Variants in SPAG16 observed in about 807,000 individuals in gnomAD.
SPAG16 encodes the protein sperm associated antigen 16.
In SPAG16, 86 loss-of-function variants were observed where a neutral mutation model predicts 80.4. The observed-to-expected ratio is 1.07, with a 90% CI of 0.90 to 1.28. SPAG16 has a LOEUF of 1.28. Among genes scored for constraint, SPAG16 ranks in the 50% most tolerant of loss-of-function variants. SPAG16 has a pLI of 0.00. For synonymous variants in SPAG16, 294 were observed against 265.9 expected, an observed-to-expected ratio of 1.11 and a Z score of -1.03; for missense variants, 870 against 765.3, an observed-to-expected ratio of 1.14 and a Z score of -1.61.
intron 10 of SPAG16, among the ~76,000 whole-genome samples, chr2:213,538,685 C>T (rs1365602213): frequency 6.6e-6 from 1 of 152,026 alleles, no homozygotes; most frequent in East Asian, 1.9e-4. Context: ...TGACTAATAG[C>T]TTTAACATTG....
intron 10 of SPAG16, among the ~76,000 whole-genome samples, chr2:213,673,826 G>A (rs2063919774): frequency 6.6e-6 from 1 of 151,806 alleles, no homozygotes. Flanking sequence ...AAGAACATTG[G>A]AAAAATAAAT....
intron 10 of SPAG16, among the ~76,000 whole-genome samples, chr2:213,857,001 G>T (rs2372261): frequency 0.34 from 52,249 of 151,946 alleles, 9,433 homozygotes; most frequent in South Asian, 0.47. Context: ...AGGCCAAGGA[G>T]GATGGGTCAC....
intron 15 of SPAG16, 27 bp downstream of exon 15, chr2:214,149,293 T>A: frequency 6.6e-7 from 1 of 1,506,832 alleles, no homozygotes; most frequent in South Asian, 1.3e-5. Context: ...CTAATGTTTC[T>A]GACTAAGCCA....
chr2:214,335,565 C>T (rs987165468), intron 15 of SPAG16, among the ~76,000 whole-genome samples: 8 of 151,524 alleles, frequency 5.3e-5, no homozygotes, highest in Admixed American at 4.6e-4. Flanking sequence ...GATGTGCTGA[C>T]GATGCTGATG....
At chr2:213,396,909 A>G (rs1374516160) in intron 9 of SPAG16, among the ~76,000 whole-genome samples, 2 of 151,862 alleles carry the variant, frequency 1.3e-5, no homozygotes, top group Admixed American at 6.6e-5. Context: ...TTTTGACCCA[A>G]TATTTCCCTC....
chr2:213,781,110 C>G (rs1386336326), intron 10 of SPAG16, among the ~76,000 whole-genome samples: 2 of 152,166 alleles, frequency 1.3e-5, no homozygotes, highest in African/African-American at 4.8e-5. Context: ...CTCAGCAAAA[C>G]TCCTTTAAGG....
intron 9 of SPAG16, among the ~76,000 whole-genome samples, chr2:213,409,895 A>G (rs1434559218): frequency 6.6e-6 from 1 of 152,210 alleles, no homozygotes; most frequent in African/African-American, 2.4e-5. Flanking sequence ...TACTTGGTTT[A>G]TCTTCCACTT....
intron 15 of SPAG16, among the ~76,000 whole-genome samples, chr2:214,160,906 C>T (rs2056409354): frequency 6.6e-6 from 1 of 151,916 alleles, no homozygotes; most frequent in African/African-American, 2.4e-5. Context: ...CTATAAGCCC[C>T]TTGCTACCTA....
At chr2:213,527,073 T>A (rs1053684889) in intron 10 of SPAG16, among the ~76,000 whole-genome samples, 5 of 152,230 alleles carry the variant, frequency 3.3e-5, no homozygotes, top group African/African-American at 1.2e-4. Context: ...GTGCCTGGTA[T>A]CCTTAAAGCT....
intron 9 of SPAG16, among the ~76,000 whole-genome samples, chr2:213,442,021 G>A (rs1219060218): frequency 6.6e-6 from 1 of 152,166 alleles, no homozygotes; most frequent in East Asian, 1.9e-4. Context: ...AGTGGCACAT[G>A]CCTATAATCC....
intron 9 of SPAG16, among the ~76,000 whole-genome samples, chr2:213,412,692 G>A (rs1024817088): frequency 9.2e-5 from 14 of 151,910 alleles, no homozygotes; most frequent in African/African-American, 3.1e-4. Context: ...CCCATTTTTG[G>A]AGAAGCGCTA....
chr2:213,542,642 A>C (rs2076486582), intron 10 of SPAG16, among the ~76,000 whole-genome samples: 1 of 152,138 alleles, frequency 6.6e-6, no homozygotes, highest in Non-Finnish European at 1.5e-5. Flanking sequence ...TAAGTATAAG[A>C]ATATTGCGAA....
chr2:214,135,817 A>G (rs1384135383), intron 14 of SPAG16, among the ~76,000 whole-genome samples: 1 of 151,860 alleles, frequency 6.6e-6, no homozygotes, highest in Non-Finnish European at 1.5e-5. Flanking sequence ...CTGCCATGAA[A>G]AGAAGCAGCC....
At chr2:213,378,849 C>T (rs1425110578) in intron 9 of SPAG16, among the ~76,000 whole-genome samples, 2 of 152,184 alleles carry the variant, frequency 1.3e-5, no homozygotes, top group Non-Finnish European at 2.9e-5. Flanking sequence ...TTGTAATTTC[C>T]CAATGACCTT....
rs10172666 is a variant in SPAG16, at chr2:214,223,993, A to T, written c.1720+74727A>T. On this transcript the variant is annotated intron_variant, in intron 15 of 15. Transcript: ENST00000331683. The stretch of plus-strand genomic sequence containing the variant: ...GGGTAAAGTGAATCAATAAACTTAG[A>T]GCATTCTGCAGAAAGGTAAGCTGTT... 3.9e-3 allele frequency among the ~76,000 whole-genome samples: 601 copies of T among 152,300 alleles called. 3 individuals carry two copies. Among genetic ancestry groups the T allele is most frequent in the Admixed American group, 7.1e-3 (108 of 15,288 alleles).
chr2:213,491,969 G>T lies in SPAG16; in HGVS notation c.1070+1879G>T, dbSNP rs77290751. Among the ~76,000 whole-genome samples, 1,320 of 152,218 alleles carry T rather than the reference G, an allele frequency of 8.7e-3. 20 individuals carry two copies. The highest frequency in any genetic ancestry group is 0.03 in the African/African-American group (1,232 of 41,544). ...CACTAGTCTCTTAGAGTAACATACC[G>T]CAGTGGAAGATTAAGTTGTGACTTT... On this transcript the variant is annotated intron_variant, in intron 10 of 15. Coordinates refer to ENST00000331683, the MANE Select transcript of SPAG16 (RefSeq NM_024532.5).
At chr2:213,304,587 C>T (rs1266855961) in intron 3 of SPAG16, among the ~76,000 whole-genome samples, 6 of 152,120 alleles carry the variant, frequency 3.9e-5, no homozygotes, top group African/African-American at 1.4e-4. Context: ...TTTGATTCTT[C>T]TGGATATGGA....
chr2:214,059,206 A>ATATGTATGTG (rs1559745253), intron 13 of SPAG16, among the ~76,000 whole-genome samples: 8 of 96,346 alleles, frequency 8.3e-5, no homozygotes, highest in African/African-American at 2.9e-4. Context: ...ATATATATAT[A>ATATGTATGTG]TATATATATG....
At chr2:213,985,723 G>A (rs1038187921) in intron 12 of SPAG16, among the ~76,000 whole-genome samples, 4 of 152,020 alleles carry the variant, frequency 2.6e-5, no homozygotes, top group African/African-American at 9.7e-5. Context: ...CAAAGAGAGA[G>A]GGAATAAAAG....
Sources: gnomAD v4.1 joint callset for allele counts (sites outside exome capture counted in the v4.1 genomes callset) on GRCh38, gnomAD v4.1.1 for gene constraint, MANE v1.5 for transcripts, NCBI Gene and HGNC (gene_info 2026-07-23, HGNC 2026-07-21) for gene names.